Variants in CCDC61 observed in about 807,000 individuals in gnomAD.
CCDC61 encodes coiled-coil domain containing 61.
Under a neutral mutation model 63.0 loss-of-function variants are expected in CCDC61, and 55 were observed. The observed-to-expected ratio is 0.87, with a 90% CI of 0.70 to 1.09. CCDC61 has a LOEUF of 1.09. Ranked by LOEUF, CCDC61 falls within the 50% of genes least tolerant of loss-of-function variation. CCDC61 has a pLI of 0.00. For synonymous variants in CCDC61, 270 were observed against 317.0 expected (o/e 0.85, Z 1.58); for missense variants, 651 against 731.4 (o/e 0.89, Z 1.27).
At position 46,016,100 on chromosome 19, in the gene CCDC61, G is replaced by A. The variant is rs562994873; in HGVS notation, c.892G>A (p.Ala298Thr). 12 of 1,237,766 alleles carry A rather than the reference G, an allele frequency of 9.7e-6. No homozygotes were observed. The South Asian group carries it at 3.2e-4, about 33-fold the overall frequency. The allele number at this position is 1,237,766 out of a possible 1,614,324, so 76.7% of individuals were successfully genotyped here. ...VQPPPTREDR[A>T]SSSRERSASR... Reference sequence around the variant, plus strand: ...GCCGCCCCCGACGCGGGAGGACCGGGCCTCATCGTCCCGGGAGCGCTCCGC... The same window carrying A: ...GCCGCCCCCGACGCGGGAGGACCGGACCTCATCGTCCCGGGAGCGCTCCGC... The change falls in exon 8 of 14, where the codon GCC (alanine) becomes ACC (threonine). Residue 298 changes from alanine to threonine, a missense_variant. Physicochemically the swap from Ala to Thr is moderately conservative, Grantham distance 58 (BLOSUM62 0). Coordinates refer to ENST00000595358, the MANE Select transcript of CCDC61 (RefSeq NM_001267723.2). This position sits in a 1 kb window ranked among gnomAD's most constrained non-coding sequence, Gnocchi z 7.2.
chr19:46,008,334 GT>G, intron 5 of CCDC61, 33 bp downstream of exon 5: 1 of 898,758 alleles, frequency 1.1e-6, no homozygotes, highest in East Asian at 3.0e-5. Flanking sequence ...GCTGGGGCGG[GT>G]GGGGGCCCTC....
chr19:46,014,950 C>A, intron 5 of CCDC61, 99 bp from the exon 6 acceptor site: 1 of 1,070,814 alleles, frequency 9.3e-7, no homozygotes, highest in Non-Finnish European at 1.3e-6. Context: ...CCGTGTACCC[C>A]CTTCCGGGGA....
chr19:46,007,053 C>A (rs963367360), intron 4 of CCDC61, among the ~76,000 whole-genome samples: 1 of 139,120 alleles, frequency 7.2e-6, no homozygotes, highest in African/African-American at 2.7e-5. Context: ...AATGTGTTGG[C>A]TTTTTTTTTT....
chr19:46,006,791 C>T, intron 4 of CCDC61, 75 bp downstream of exon 4: 1 of 1,361,364 alleles, frequency 7.3e-7, no homozygotes, highest in Non-Finnish European at 1.0e-6. Flanking sequence ...CCTTAGGAAC[C>T]CCTGGCACCC....
At position 46,002,991 on chromosome 19, in the gene CCDC61, C is replaced by A; in HGVS notation, c.-11-17C>A. The A allele has an allele frequency of 6.4e-7, 1 of 1,552,056 alleles. No individual in the cohort carries two copies. The highest frequency in any genetic ancestry group is 8.7e-7 in the Non-Finnish European group (1 of 1,147,082). On this transcript the variant is annotated splice_polypyrimidine_tract_variant and intron_variant, in intron 1 of 13. Transcript: ENST00000595358. ...GCTCTGAGCTCCTCTAGGTTTCTCT[C>A]TCATCTCCTTCTCCAGCAACCTTGG...
At chr19:46,002,136 G>A (rs1169673599) in intron 1 of CCDC61, among the ~76,000 whole-genome samples, 2 of 151,802 alleles carry the variant, frequency 1.3e-5, no homozygotes, top group South Asian at 2.1e-4. Flanking sequence ...AGTAGAGATG[G>A]GGTTTCACCA....
At chr19:46,009,213 T>C (rs1968776488) in intron 5 of CCDC61, among the ~76,000 whole-genome samples, 1 of 151,958 alleles carries the variant, frequency 6.6e-6, no homozygotes, top group Non-Finnish European at 1.5e-5. Context: ...GGGAATGCGG[T>C]GAGAACAAGG....
At position 45,999,883 on chromosome 19, in the gene CCDC61, G is replaced by A. The variant is rs1968558966; in HGVS notation, c.-11-3125G>A. Among the ~76,000 whole-genome samples the A allele has an allele frequency of 2.0e-5, 3 of 152,100 alleles. 1 individual carries two copies. Among genetic ancestry groups the A allele is most frequent in the Non-Finnish European group, 2.9e-5 (2 of 68,006 alleles). On this transcript the variant is annotated intron_variant, in intron 1 of 13. Transcript: ENST00000595358. ...GCAGCCGCACAGTGCTCGCAGGGAT[G>A]GGGTGGTGACGTCATGGGTTGGTGA...
Position 46,016,258 on chromosome 19 carries a change from C to T in CCDC61, c.1015+35C>T. The T allele has an allele frequency of 1.2e-6, 2 of 1,601,852 alleles. No individual in the cohort carries two copies. The highest frequency in any genetic ancestry group is 1.7e-6 in the Non-Finnish European group (2 of 1,174,088). ...CCTGCCCTGCGGTAGGGAGGGGACG[C>T]ACTGGCGCTGCCAAGGCCCGTCTCC... On this transcript the variant is annotated intron_variant, in intron 8 of 13. Coordinates refer to ENST00000595358, the MANE Select transcript of CCDC61 (RefSeq NM_001267723.2). The surrounding 1 kb of genome is among the most constrained non-coding windows in gnomAD (Gnocchi z 7.2).
In CCDC61 at chr19:46,015,443, G is replaced by A. The variant is rs758175090; in HGVS notation, c.845+16G>A. The A allele has an allele frequency of 1.5e-5, 24 of 1,550,094 alleles. No individual in the cohort carries two copies. In the African/African-American group the frequency reaches 3.3e-4, roughly 21 times the overall value. On this transcript the variant is annotated intron_variant, in intron 7 of 13. Transcript: ENST00000595358. The surrounding 1 kb of genome is among the most constrained non-coding windows in gnomAD (Gnocchi z 5.3). ...ACAAGAGGGGGTGAGAGCGAGGCCT[G>A]CCAGGCGCCTGGGCGGATGGGCGGG...
chr19:46,017,584 G>T (rs1383169532), intron 12 of CCDC61, among the ~76,000 whole-genome samples: 2 of 149,124 alleles, frequency 1.3e-5, no homozygotes, highest in African/African-American at 4.9e-5. Flanking sequence ...GGATAAGGGG[G>T]TGGTATTGTC....
chr19:46,001,058 C>T (rs1271871561), intron 1 of CCDC61, among the ~76,000 whole-genome samples: 2 of 129,422 alleles, frequency 1.5e-5, no homozygotes, highest in Non-Finnish European at 3.1e-5. Flanking sequence ...CTTGGTAACC[C>T]GGACGGTGTC....
In CCDC61 at chr19:46,006,626, TG is replaced by T. The variant is rs763812164; in HGVS notation, c.305del (p.Gly102AlafsTer19). 3.1e-6 allele frequency: 5 copies of T among 1,613,626 alleles called. No homozygotes were observed. Among genetic ancestry groups the T allele is most frequent in the Non-Finnish European group, 4.2e-6 (5 of 1,179,780 alleles). ...CTGGAGTCCCTGCGGAACCGCAAGA[TG>T]GGGGGCCGCCCAGGCTCCTTGGCCC... ...TDLESLRNRK[M>X]GGRPGSLAPR... is the part of the protein sequence containing the mutation. On this transcript the variant is annotated frameshift_variant, in exon 4 of 14. Coordinates refer to ENST00000595358, the MANE Select transcript of CCDC61 (RefSeq NM_001267723.2). LOFTEE classifies it high-confidence loss of function.
chr19:46,005,952 A>G (rs1013346785), intron 3 of CCDC61, among the ~76,000 whole-genome samples: 3 of 152,120 alleles, frequency 2.0e-5, no homozygotes, highest in African/African-American at 7.2e-5. Flanking sequence ...TAATAAAGAG[A>G]TGTGTGCTCT....
Position 46,016,475 on chromosome 19 carries a change from A to G in CCDC61, c.1091+82A>G. On this transcript the variant is annotated intron_variant, in intron 9 of 13. Coordinates refer to ENST00000595358, the MANE Select transcript of CCDC61 (RefSeq NM_001267723.2). This position sits in a 1 kb window ranked among gnomAD's most constrained non-coding sequence, Gnocchi z 7.2. Reference sequence around the variant, plus strand: ...GCTCTCATCTCTCCACGCCACCATCAGTCTCCATCCCCTGCCACCTGCTCG... The same window carrying G: ...GCTCTCATCTCTCCACGCCACCATCGGTCTCCATCCCCTGCCACCTGCTCG... 1.3e-6 allele frequency: 2 copies of G among 1,521,950 alleles called. No homozygotes were observed. The highest frequency in any genetic ancestry group is 2.3e-5 in the South Asian group (2 of 87,816). The allele number at this position is 1,521,950 out of a possible 1,614,324, so 94.3% of individuals were successfully genotyped here. A position where few individuals can be genotyped will look rare whatever the true frequency, so the allele number is the denominator to read the frequency against.
At position 46,014,975 on chromosome 19, in the gene CCDC61, G is replaced by A. The variant is rs1393815358; in HGVS notation, c.552-74G>A. On this transcript the variant is annotated intron_variant, in intron 5 of 13. Transcript: ENST00000595358. ...CCTTCCGGGGAGGTGAAATGATGAGGCGTCCCACCCCCATGGAGTAGTGGG... is the reference window on the plus strand; with the variant it reads ...CCTTCCGGGGAGGTGAAATGATGAGACGTCCCACCCCCATGGAGTAGTGGG... 54 of 1,273,176 alleles carry A rather than the reference G, an allele frequency of 4.2e-5. No homozygotes were observed. The East Asian group carries it at 1.6e-3, about 38-fold the overall frequency. 78.9% of individuals were successfully genotyped at this position (1,273,176 alleles called of 1,614,324 possible).
chr19:46,015,395 G>T lies in CCDC61; in HGVS notation c.813G>T (p.Thr271=). ...GGAGCCTGCGCGCCCGGCTGAAGACGCTGACCAGCGAGCTGGCATTGTACA... is the reference window on the plus strand; with the variant it reads ...GGAGCCTGCGCGCCCGGCTGAAGACTCTGACCAGCGAGCTGGCATTGTACA... The part of the protein sequence containing the change: ...SERSLRARLK[T]LTSELALYKR... The change falls in exon 7 of 14, where the codon ACG becomes ACT. Residue 271 remains threonine (T), a synonymous_variant. Transcript: ENST00000595358. This position sits in a 1 kb window ranked among gnomAD's most constrained non-coding sequence, Gnocchi z 5.3. The T allele has an allele frequency of 1.2e-6, 2 of 1,602,804 alleles. No individual in the cohort carries two copies. Among genetic ancestry groups the T allele is most frequent in the African/African-American group, 1.3e-5 (1 of 74,954 alleles).
Position 46,015,239 on chromosome 19 carries a change from T to A in CCDC61, c.742T>A (p.Cys248Ser). The change falls in exon 6 of 14, where the codon TGC becomes AGC. Residue 248 changes from cysteine to serine, a missense_variant. Physicochemically the swap from Cys to Ser is moderately radical, Grantham distance 112 (BLOSUM62 -1). Coordinates refer to ENST00000595358, the MANE Select transcript of CCDC61 (RefSeq NM_001267723.2). The surrounding 1 kb of genome is among the most constrained non-coding windows in gnomAD (Gnocchi z 5.3). ...HRVAGRRGQD[C>S]RRLAKELEEA... is the part of the protein sequence containing the mutation. Reference sequence around the variant, plus strand: ...GGTGGCCGGCCGTCGCGGCCAGGACTGCCGCCGTCTGGCCAAGGAGGTGAG... The same window carrying A: ...GGTGGCCGGCCGTCGCGGCCAGGACAGCCGCCGTCTGGCCAAGGAGGTGAG... 11 of 1,397,152 alleles carry A rather than the reference T, an allele frequency of 7.9e-6. No homozygotes were observed. Among genetic ancestry groups the A allele is most frequent in the Non-Finnish European group, 1.0e-5 (11 of 1,081,736 alleles). The allele number at this position is 1,397,152 out of a possible 1,614,324, so 86.5% of individuals were successfully genotyped here.
At position 46,016,014 on chromosome 19, in the gene CCDC61, G is replaced by C; in HGVS notation, c.846-40G>C. On this transcript the variant is annotated intron_variant, in intron 7 of 13. Coordinates refer to ENST00000595358, the MANE Select transcript of CCDC61 (RefSeq NM_001267723.2). This position sits in a 1 kb window ranked among gnomAD's most constrained non-coding sequence, Gnocchi z 7.2. ...GAGGAGTCTCGCGATTGAGTTTGTC[G>C]GGGCGGGCGGGAAGCTGACAGCTGC... The C allele has an allele frequency of 1.6e-6, 2 of 1,233,642 alleles. No individual in the cohort carries two copies. Among genetic ancestry groups the C allele is most frequent in the South Asian group, 4.1e-5 (1 of 24,482 alleles). The allele number at this position is 1,233,642 out of a possible 1,614,324, so 76.4% of individuals were successfully genotyped here. A position where few individuals can be genotyped will look rare whatever the true frequency, so the allele number is the denominator to read the frequency against.
Sources: gnomAD v4.1 joint callset for allele counts (sites outside exome capture counted in the v4.1 genomes callset) on GRCh38, gnomAD v4.1.1 for gene constraint, Gnocchi (gnomAD v3.1) non-coding constraint, MANE v1.5 for transcripts, NCBI Gene and HGNC (gene_info 2026-07-23, HGNC 2026-07-21) for gene names.